Variants in DEPDC5 observed in about 807,000 individuals in gnomAD.
DEPDC5 encodes DEP domain containing 5, GATOR1 subcomplex subunit.
A neutral mutation model predicts 217.3 loss-of-function variants in DEPDC5; 73 were observed. The ratio of observed to expected loss-of-function variants is 0.34; its 90% confidence interval spans 0.28 to 0.41. The LOEUF is 0.41. Ranked by LOEUF, DEPDC5 falls within the 10% of genes least tolerant of loss-of-function variation. The pLI, the probability that DEPDC5 is intolerant of heterozygous loss-of-function variation, is 1.00. For synonymous variants in DEPDC5, 733 were observed against 756.7 expected, an observed-to-expected ratio of 0.97 and a Z score of 0.51; for missense variants, 1,675 against 2,070.1, an observed-to-expected ratio of 0.81 and a Z score of 3.70.
At chr22:31,870,898 G>A (rs771306322) in intron 34 of DEPDC5, among the ~76,000 whole-genome samples, 154 bp downstream of exon 34, 124 of 152,208 alleles carry the variant, frequency 8.1e-4, no homozygotes, top group Non-Finnish European at 1.5e-3. Context: ...AACCACATCT[G>A]TATGATGGGA....
At chr22:31,856,180 C>CAT (rs2092290620) in intron 31 of DEPDC5, among the ~76,000 whole-genome samples, 1 of 151,128 alleles carries the variant, frequency 6.6e-6, no homozygotes, top group Non-Finnish European at 1.5e-5. Context: ...CACACACACA[C>CAT]ACACACACAC....
chr22:31,790,529 C>A (rs2085492924), intron 10 of DEPDC5, among the ~76,000 whole-genome samples: 1 of 152,186 alleles, frequency 6.6e-6, no homozygotes, highest in Non-Finnish European at 1.5e-5. Flanking sequence ...CACCCTCATC[C>A]TATGAGACTA....
chr22:31,767,002 A>G (rs1225669648), intron 6 of DEPDC5, among the ~76,000 whole-genome samples: 1 of 152,194 alleles, frequency 6.6e-6, no homozygotes, highest in East Asian at 1.9e-4. Flanking sequence ...TAATTTATAG[A>G]GGTAGAAACT....
chr22:31,772,843 A>G (rs955113460), intron 7 of DEPDC5, among the ~76,000 whole-genome samples: 1 of 151,864 alleles, frequency 6.6e-6, no homozygotes, highest in Admixed American at 6.6e-5. Context: ...GTGTAGTAGC[A>G]TGATATCTCC....
rs1478360478 is a variant in DEPDC5, at chr22:31,777,370, C to T, written c.414-729C>T. Among the ~76,000 whole-genome samples the T allele has an allele frequency of 3.3e-5, 5 of 151,714 alleles. No individual in the cohort carries two copies. In the East Asian group the frequency reaches 9.7e-4, roughly 29 times the overall value. On this transcript the variant is annotated intron_variant, in intron 7 of 42. Transcript: ENST00000651528. The stretch of plus-strand genomic sequence containing the variant: ...CCACCTCCTGGGTTCAAGTGATTCT[C>T]CTGCCTCAGCGTCCTGAGTAGCTGA...
At chr22:31,789,066 T>C (rs1249520562) in intron 10 of DEPDC5, among the ~76,000 whole-genome samples, 1 of 151,804 alleles carries the variant, frequency 6.6e-6, no homozygotes, top group Non-Finnish European at 1.5e-5. Flanking sequence ...CCTGCTAATT[T>C]TTGTATTTTT....
At chr22:31,764,713 G>T (rs570288142) in intron 4 of DEPDC5, among the ~76,000 whole-genome samples, 3 of 152,172 alleles carry the variant, frequency 2.0e-5, no homozygotes, top group Non-Finnish European at 2.9e-5. Context: ...ACCATACCCA[G>T]CCTCTTCCTT....
intron 22 of DEPDC5, among the ~76,000 whole-genome samples, chr22:31,820,970 C>T (rs2089640027): frequency 6.6e-6 from 1 of 152,216 alleles, no homozygotes; most frequent in Admixed American, 6.5e-5. Context: ...TGCCCTCTTC[C>T]TTCAATCGCT....
chr22:31,810,471 A>G, intron 19 of DEPDC5, 50 bp from the exon 20 acceptor site: 1 of 1,609,524 alleles, frequency 6.2e-7, no homozygotes. Context: ...GCTCTCAGGC[A>G]TGTGTTTGAA....
At chr22:31,857,628 C>T (rs1374152033) in intron 32 of DEPDC5, 75 bp downstream of exon 32, 2 of 1,281,424 alleles carry the variant, frequency 1.6e-6, no homozygotes, top group Non-Finnish European at 2.2e-6. Flanking sequence ...ACAGATCGCC[C>T]TTCAGATCCG....
chr22:31,892,794 A>G (rs181217107), intron 38 of DEPDC5, among the ~76,000 whole-genome samples: 1 of 151,764 alleles, frequency 6.6e-6, no homozygotes, highest in Admixed American at 6.6e-5. Flanking sequence ...TACAAGGTAC[A>G]ATCCATAAAC....
chr22:31,875,911 G>A (rs913469356), intron 36 of DEPDC5: 2 of 397,808 alleles, frequency 5.0e-6, no homozygotes, highest in African/African-American at 4.0e-5. Context: ...GGGGTTACAG[G>A]CGTGAGCCAC....
chr22:31,778,855 AT>A (rs1265224728), intron 8 of DEPDC5, among the ~76,000 whole-genome samples: 1 of 152,044 alleles, frequency 6.6e-6, no homozygotes, highest in Non-Finnish European at 1.5e-5. Context: ...ACCAGGGGTG[AT>A]TTTGCTCCCT....
In DEPDC5 at chr22:31,885,724, CAA is replaced by C. The variant is rs1172720967; in HGVS notation, c.4033+5989_4033+5990del. Among the ~76,000 whole-genome samples, 37 of 62,264 alleles carry C rather than the reference CAA, an allele frequency of 5.9e-4. 1 individual carries two copies. Among genetic ancestry groups the C allele is most frequent in the South Asian group, 2.2e-3 (4 of 1,812 alleles). 40.8% of individuals were successfully genotyped at this position (62,264 alleles called of 152,430 possible). The stretch of plus-strand genomic sequence containing the variant: ...TGGGCAACAGAGCGAGACTCCATCT[CAA>C]AAAAAAAAAAAAAAAAGAGACAGGG... On this transcript the variant is annotated intron_variant, in intron 38 of 42. Transcript: ENST00000651528.
intron 7 of DEPDC5, among the ~76,000 whole-genome samples, chr22:31,770,249 C>T (rs1194361712): frequency 1.3e-5 from 2 of 151,374 alleles, no homozygotes; most frequent in African/African-American, 4.9e-5. Flanking sequence ...AAAAAAAGTA[C>T]AACATGCACA....
chr22:31,794,224 T>C (rs896023388), intron 12 of DEPDC5, among the ~76,000 whole-genome samples: 1 of 152,132 alleles, frequency 6.6e-6, no homozygotes, highest in Non-Finnish European at 1.5e-5. Context: ...TAGGAGAATT[T>C]TATGAGAGTG....
rs763310512 is a variant in DEPDC5 at position 31,822,798 on chromosome 22, AT to A, written c.2104+9del. 8 of 1,613,362 alleles carry A rather than the reference AT, an allele frequency of 5.0e-6. No homozygotes were observed. The African/African-American group carries it at 9.3e-5, about 19-fold the overall frequency. On this transcript the variant is annotated intron_variant, in intron 24 of 42. Transcript: ENST00000651528. ...TTAGCAACAGTGGTGCAGGTAACCA[AT>A]CCAAGAGGTAATAGAGTTGGGATGT... is the stretch of plus-strand genomic sequence containing the variant.
chr22:31,773,298 C>G (rs1359951533), intron 7 of DEPDC5, among the ~76,000 whole-genome samples: 1 of 152,174 alleles, frequency 6.6e-6, no homozygotes, highest in African/African-American at 2.4e-5. Flanking sequence ...AGCAATACTC[C>G]CACCTCAGCC....
chr22:31,783,028 C>G (rs888518961), intron 8 of DEPDC5, among the ~76,000 whole-genome samples: 2 of 152,102 alleles, frequency 1.3e-5, no homozygotes, highest in Non-Finnish European at 2.9e-5. Flanking sequence ...CTTCCTGGGT[C>G]GAGTGGGGAC....
Sources: gnomAD v4.1 joint callset for allele counts (sites outside exome capture counted in the v4.1 genomes callset) on GRCh38, gnomAD v4.1.1 for gene constraint, MANE v1.5 for transcripts, NCBI Gene and HGNC (gene_info 2026-07-23, HGNC 2026-07-21) for gene names.